The following HIP1R variants were observed in gnomAD, a reference collection of about 807,000 sequenced individuals.
HIP1R encodes the protein huntingtin-interacting protein 1-related protein.
HIP1R carries 135 observed loss-of-function variants against 144.2 expected under a neutral mutation model. The observed-to-expected ratio is 0.94, with a 90% CI of 0.81 to 1.08. The LOEUF is 1.08. Among genes scored for constraint, HIP1R ranks in the 50% least tolerant of loss-of-function variants. The pLI, the probability that HIP1R is intolerant of heterozygous loss-of-function variation, is 0.00. For synonymous variants in HIP1R, 698 were observed against 612.8 expected, an observed-to-expected ratio of 1.14 and a Z score of -2.05; for missense variants, 1,462 against 1,432.8, an observed-to-expected ratio of 1.02 and a Z score of -0.33.
upstream of HIP1R, chr12:122,835,422 C>T (rs1245237492): frequency 8.0e-6 from 9 of 1,119,998 alleles, no homozygotes; most frequent in South Asian, 4.0e-5. Context: ...CGGGGCGAGG[C>T]GGGCTCCTCC....
intron 18 of HIP1R, chr12:122,857,837 C>G (rs1298069712): frequency 7.5e-6 from 3 of 398,316 alleles, no homozygotes; most frequent in Non-Finnish European, 1.3e-5. Flanking sequence ...AAGGGTGCTA[C>G]ATATCTTTTC....
intron 20 of HIP1R, among the ~76,000 whole-genome samples, 193 bp downstream of exon 20, chr12:122,858,628 G>A (rs2033669838): frequency 6.6e-6 from 1 of 152,244 alleles, no homozygotes; most frequent in South Asian, 2.1e-4. Flanking sequence ...TCTGGGGCCT[G>A]GGCCACCATA....
At position 122,860,942 on chromosome 12, in the gene HIP1R, C is replaced by G. The variant is rs774563475; in HGVS notation, c.2793C>G (p.His931Gln). ...TGAAGGCCAACAAGCACAGCCCCCA[C>G]CTGAGCCGCCTGCAGGAATGTTCTC... is the stretch of plus-strand genomic sequence containing the variant. ...SKVKANKHSP[H>Q]LSRLQECSRT... Residue 931 changes from histidine (H) to glutamine (Q), a missense_variant, in exon 29 of 32, where the codon CAC becomes CAG. By Grantham distance (24) the His-to-Gln change is conservative (BLOSUM62 0). This residue lies in a region of HIP1R where 1,112 missense variants were observed against 1,011.7 expected (regional missense o/e 1.10). Coordinates refer to ENST00000253083, the MANE Select transcript of HIP1R (RefSeq NM_003959.3). 8 of 1,612,986 alleles carry G rather than the reference C, an allele frequency of 5.0e-6. No homozygotes were observed. Among genetic ancestry groups the G allele is most frequent in the Middle Eastern group, 1.6e-4 (1 of 6,082 alleles).
chr12:122,839,520 A>G (rs554675095), intron 1 of HIP1R, among the ~76,000 whole-genome samples: 2 of 152,334 alleles, frequency 1.3e-5, no homozygotes, highest in East Asian at 1.9e-4. Flanking sequence ...GGTGACATAC[A>G]TGCTTAGCAT....
At chr12:122,851,115 C>G (rs1042078014) in intron 6 of HIP1R, 121 bp from the exon 7 acceptor site, 1 of 943,300 alleles carries the variant, frequency 1.1e-6, no homozygotes, top group African/African-American at 1.7e-5. Flanking sequence ...GGCAGAGGCA[C>G]GCTGTCTCAC....
At chr12:122,859,371 C>T in intron 22 of HIP1R, 55 bp from the exon 23 acceptor site, 1 of 1,528,408 alleles carries the variant, frequency 6.5e-7, no homozygotes, top group Non-Finnish European at 9.0e-7. Flanking sequence ...TCCCAGGCTG[C>T]CCGTGGGACG....
rs771968327 is a variant in HIP1R at position 122,848,790 on chromosome 12, C to T, written c.301-6C>T. 6.2e-7 allele frequency: 1 copy of T among 1,613,232 alleles called. No homozygotes were observed. The highest frequency in any genetic ancestry group is 1.1e-5 in the South Asian group (1 of 91,090). On this transcript the variant is annotated splice_region_variant and splice_polypyrimidine_tract_variant and intron_variant, in intron 3 of 31. Transcript: ENST00000253083. ...CTCCCCCACTCCCGTATTCCCTGCG[C>T]TGCAGGTGCTGCATGACTGCCAGCG...
Position 122,840,619 on chromosome 12 carries a change from AAG to A in HIP1R, c.93+4982_93+4983del, listed in dbSNP as rs1313333538. On this transcript the variant is annotated intron_variant, in intron 1 of 31. Coordinates refer to ENST00000253083, the MANE Select transcript of HIP1R (RefSeq NM_003959.3). The surrounding 1 kb of genome is among the most constrained non-coding windows in gnomAD (Gnocchi z 4.2). ...TGTTCAGAAGAGCAGGCTGGGCTGA[AAG>A]AGAGAAACAAGCTCCCTGTTGAGCT... 6.6e-6 allele frequency among the ~76,000 whole-genome samples: 1 copy of A among 152,220 alleles called. No homozygotes were observed. The highest frequency in any genetic ancestry group is 1.5e-5 in the Non-Finnish European group (1 of 68,042).
chr12:122,839,710 T>G (rs2033004159), intron 1 of HIP1R, among the ~76,000 whole-genome samples: 1 of 152,230 alleles, frequency 6.6e-6, no homozygotes, highest in Admixed American at 6.5e-5. Flanking sequence ...TTAACTGTAA[T>G]AGCATATTTT....
intron 1 of HIP1R, among the ~76,000 whole-genome samples, chr12:122,837,371 T>G (rs1321912602): frequency 2.0e-5 from 3 of 150,860 alleles, no homozygotes; most frequent in African/African-American, 7.3e-5. Flanking sequence ...CAGGCTGGAG[T>G]GCAATGGCAT....
At chr12:122,857,368 CGTT>C in intron 18 of HIP1R, 153 bp downstream of exon 18, 2 of 747,400 alleles carry the variant, frequency 2.7e-6, no homozygotes, top group Non-Finnish European at 2.3e-6. Context: ...CTCAGCATCA[CGTT>C]GTCAAGGGTC....
chr12:122,859,761 C>T lies in HIP1R; in HGVS notation c.2407-11C>T. ...CTCCCAGCCAGCTCACGGCTCTGTT[C>T]TTGGGTGCAGGACATGATGAACCAG... On this transcript the variant is annotated splice_polypyrimidine_tract_variant and intron_variant, in intron 23 of 31. Transcript: ENST00000253083. 6.2e-7 allele frequency: 1 copy of T among 1,612,612 alleles called. No homozygotes were observed. The highest frequency in any genetic ancestry group is 8.5e-7 in the Non-Finnish European group (1 of 1,179,568).
At chr12:122,851,140 C>T (rs1346032565) in intron 6 of HIP1R, 96 bp from the exon 7 acceptor site, 16 of 1,117,180 alleles carry the variant, frequency 1.4e-5, no homozygotes, top group South Asian at 1.6e-5. Context: ...GCCATGGTGT[C>T]GGCGGTGCCC....
At chr12:122,859,277 G>A (rs2033689574) in intron 22 of HIP1R, 80 bp downstream of exon 22, 4 of 1,516,526 alleles carry the variant, frequency 2.6e-6, no homozygotes, top group Non-Finnish European at 3.6e-6. Context: ...TGGCTGAACA[G>A]GTGTTTGTGC....
At chr12:122,841,272 C>T (rs2033049072) in intron 1 of HIP1R, among the ~76,000 whole-genome samples, 1 of 152,268 alleles carries the variant, frequency 6.6e-6, no homozygotes, top group Non-Finnish European at 1.5e-5. Flanking sequence ...CACATCTGCC[C>T]TGACACGCTG....
chr12:122,858,254 A>C lies in HIP1R; in HGVS notation c.1963+5A>C, dbSNP rs376799232. The C allele has an allele frequency of 1.9e-6, 3 of 1,584,228 alleles. No homozygotes were observed. The highest frequency in any genetic ancestry group is 2.6e-6 in the Non-Finnish European group (3 of 1,159,912). ...TGCGCTGTACCAGCTCCCCAGGTAG[A>C]CAGTGGGGCCACACTCAGCCGCTCC... On this transcript the variant is annotated splice_donor_5th_base_variant and intron_variant, in intron 19 of 31. Coordinates refer to ENST00000253083, the MANE Select transcript of HIP1R (RefSeq NM_003959.3).
upstream of HIP1R, chr12:122,835,007 G>A: frequency 7.8e-7 from 1 of 1,288,504 alleles, no homozygotes; most frequent in Non-Finnish European, 1.0e-6. Flanking sequence ...ACAAGACTTA[G>A]TGAGTTCGGA....
chr12:122,856,193 A>G, intron 14 of HIP1R, 30 bp downstream of exon 14: 1 of 1,611,992 alleles, frequency 6.2e-7, no homozygotes, highest in Non-Finnish European at 8.5e-7. Context: ...CAGGGGTCCA[A>G]GGGTGTGTCC....
At position 122,854,059 on chromosome 12, in the gene HIP1R, C is replaced by T. The variant is rs1312470389; in HGVS notation, c.594C>T (p.Asn198=). Residue 198 remains asparagine, a synonymous_variant, in exon 8 of 32, where the codon AAC becomes AAT. Transcript: ENST00000253083. The stretch of plus-strand genomic sequence containing the variant: ...TTTGCACAGTTTTCCGACAGCTCAA[C>T]ACGGCCATCGCCGTATCCCAGATGT... ...KLSESVFRQL[N]TAIAVSQMSS... is the part of the protein sequence containing the mutation. The T allele has an allele frequency of 5.0e-6, 8 of 1,613,606 alleles. No homozygotes were observed. The highest frequency in any genetic ancestry group is 6.8e-6 in the Non-Finnish European group (8 of 1,179,872).
Sources: allele counts gnomAD v4.1 joint callset (sites outside exome capture counted in the v4.1 genomes callset), GRCh38; gene constraint gnomAD v4.1.1; regional missense constraint gnomAD v4.1.1; non-coding constraint Gnocchi (gnomAD v3.1); transcripts MANE v1.5; gene names NCBI Gene and HGNC (gene_info 2026-07-23, HGNC 2026-07-21).